Variants in TIAM1 observed in about 807,000 individuals in gnomAD.
TIAM1 encodes the protein TIAM Rac1 associated GEF 1, also known as rho guanine nucleotide exchange factor TIAM1.
In TIAM1, 65 loss-of-function variants were observed where a neutral mutation model predicts 163.5. The ratio of observed to expected loss-of-function variants is 0.40; its 90% CI spans 0.33 to 0.49. The LOEUF (loss-of-function observed/expected upper bound fraction) is 0.49. Among genes scored for constraint, TIAM1 ranks in the 20% least tolerant of loss-of-function variants. The pLI is 0.77. For synonymous variants in TIAM1, 833 were observed against 810.1 expected, an observed-to-expected ratio of 1.03 and a Z score of -0.48; for missense variants, 1,789 against 2,044.7, an observed-to-expected ratio of 0.87 and a Z score of 2.41.
chr21:31,136,611 T>G (rs2082631725), intron 22 of TIAM1, among the ~76,000 whole-genome samples: 1 of 152,228 alleles, frequency 6.6e-6, no homozygotes, highest in African/African-American at 2.4e-5. Context: ...TCCCCATTTA[T>G]TCCATGCTTG....
chr21:31,396,436 G>A (rs2077070600), intron 2 of TIAM1, among the ~76,000 whole-genome samples: 1 of 151,992 alleles, frequency 6.6e-6, no homozygotes, highest in African/African-American at 2.4e-5. Context: ...TGACCACCCT[G>A]TCTAAAATAG....
At chr21:31,435,216 C>T (rs2044171482) in intron 2 of TIAM1, among the ~76,000 whole-genome samples, 1 of 152,162 alleles carries the variant, frequency 6.6e-6, no homozygotes, top group Non-Finnish European at 1.5e-5. Context: ...GTCTTTAAAA[C>T]TAACATCCTG....
At chr21:31,144,830 GAAAAAAAAAA>G (rs764835303) in intron 20 of TIAM1, among the ~76,000 whole-genome samples, 3 of 74,512 alleles carry the variant, frequency 4.0e-5, no homozygotes, top group East Asian at 4.0e-4. Flanking sequence ...CTCCATCTCA[GAAAAAAAAAA>G]AAAAAAAAAA....
chr21:31,394,075 A>G (rs1015818202), intron 2 of TIAM1, among the ~76,000 whole-genome samples: 2 of 152,238 alleles, frequency 1.3e-5, no homozygotes, highest in South Asian at 2.1e-4. Context: ...AATTTTATTC[A>G]TAATTGCTAA....
chr21:31,365,387 C>CTTTCTTTTT (rs1555956902), intron 2 of TIAM1, among the ~76,000 whole-genome samples: 1 of 128,802 alleles, frequency 7.8e-6, no homozygotes, highest in East Asian at 2.4e-4. Flanking sequence ...TTATTTCTTT[C>CTTTCTTTTT]TTTTTTTTTT....
At chr21:31,204,464 AAAAT>A (rs1227467602) in intron 11 of TIAM1, among the ~76,000 whole-genome samples, 2 of 152,054 alleles carry the variant, frequency 1.3e-5, no homozygotes, top group African/African-American at 4.8e-5. Flanking sequence ...GAATTATTTC[AAAAT>A]AAATAAAGTT....
At chr21:31,287,333 T>G (rs2073850297) in intron 2 of TIAM1, among the ~76,000 whole-genome samples, 1 of 152,210 alleles carries the variant, frequency 6.6e-6, no homozygotes, top group African/African-American at 2.4e-5. Context: ...ACACATTCAG[T>G]TCAACTCAAC....
chr21:31,151,317 T>C (rs2083360538), intron 19 of TIAM1, among the ~76,000 whole-genome samples: 1 of 152,156 alleles, frequency 6.6e-6, no homozygotes, highest in African/African-American at 2.4e-5. Context: ...ACAACCCAAA[T>C]GCCCAAGAAA....
intron 1 of TIAM1, among the ~76,000 whole-genome samples, chr21:31,497,024 C>T (rs2046685221): frequency 6.6e-6 from 1 of 152,164 alleles, no homozygotes; most frequent in African/African-American, 2.4e-5. Flanking sequence ...ACTGATCTGA[C>T]AAAAGGTAGA....
chr21:31,224,476 G>A (rs551110425), intron 7 of TIAM1, among the ~76,000 whole-genome samples: 3 of 152,186 alleles, frequency 2.0e-5, no homozygotes, highest in East Asian at 1.9e-4. Flanking sequence ...GGAAGGAGCC[G>A]GACACAAAAG....
At chr21:31,129,513 T>C (rs527454325) in intron 25 of TIAM1, among the ~76,000 whole-genome samples, 2 of 152,194 alleles carry the variant, frequency 1.3e-5, no homozygotes, top group Non-Finnish European at 2.9e-5. Context: ...ACCCTATTTC[T>C]ACAAAATATT....
intron 2 of TIAM1, among the ~76,000 whole-genome samples, chr21:31,364,171 G>T (rs2076458853): frequency 6.6e-6 from 1 of 152,142 alleles, no homozygotes; most frequent in Non-Finnish European, 1.5e-5. Flanking sequence ...TTAAGTAACT[G>T]CATGGTGAGC....
rs541915001 is a variant in TIAM1 at position 31,558,650 on chromosome 21, C to T, written c.-422+277G>A. Among the ~76,000 whole-genome samples, 18 of 152,262 alleles carry T rather than the reference C, an allele frequency of 1.2e-4. No individual in the cohort carries two copies. The East Asian group carries it at 3.5e-3, about 30-fold the overall frequency. On this transcript the variant is annotated intron_variant, in intron 1 of 28. Transcript: ENST00000286827. The stretch of plus-strand genomic sequence containing the variant: ...CGCTGTCATTTCCATCCAGCGAAGG[C>T]ACCTGGGCTGCACGGTCTCGTCTCC...
At chr21:31,262,912 C>T (rs527896967) in intron 4 of TIAM1, among the ~76,000 whole-genome samples, 2 of 151,664 alleles carry the variant, frequency 1.3e-5, no homozygotes, top group East Asian at 1.9e-4. Context: ...CTGGAGAGGT[C>T]CCCTGGGTCA....
chr21:31,471,376 G>A (rs1394700239), intron 1 of TIAM1, among the ~76,000 whole-genome samples: 1 of 152,194 alleles, frequency 6.6e-6, no homozygotes, highest in Non-Finnish European at 1.5e-5. Context: ...AACCTCATAG[G>A]GCTGTTGTGG....
chr21:31,164,347 G>A (rs2084098367), intron 16 of TIAM1, among the ~76,000 whole-genome samples: 1 of 148,330 alleles, frequency 6.7e-6, no homozygotes, highest in African/African-American at 2.5e-5. Flanking sequence ...CCGAGATCAC[G>A]CCACTGCCCT....
At chr21:31,310,844 A>C (rs1346065041) in intron 2 of TIAM1, among the ~76,000 whole-genome samples, 2 of 152,228 alleles carry the variant, frequency 1.3e-5, no homozygotes, top group African/African-American at 4.8e-5. Context: ...AACAACCGTC[A>C]TTGAGGAAAA....
intron 1 of TIAM1, among the ~76,000 whole-genome samples, chr21:31,513,780 G>A (rs528281888): frequency 6.6e-6 from 1 of 152,256 alleles, no homozygotes; most frequent in East Asian, 1.9e-4. Context: ...AGCCGAGGCG[G>A]GTGGATCACC....
At chr21:31,207,798 C>G (rs1398367781) in intron 11 of TIAM1, among the ~76,000 whole-genome samples, 1 of 152,150 alleles carries the variant, frequency 6.6e-6, no homozygotes, top group African/African-American at 2.4e-5. Context: ...CCATGTTGGC[C>G]AGGCTGCTCT....
Sources: allele counts gnomAD v4.1 joint callset (sites outside exome capture counted in the v4.1 genomes callset), GRCh38; gene constraint gnomAD v4.1.1; transcripts MANE v1.5; gene names NCBI Gene and HGNC (gene_info 2026-07-23, HGNC 2026-07-21).